Variants in LINGO2 observed in about 807,000 individuals in gnomAD.
LINGO2 encodes leucine rich repeat and Ig domain containing 2.
In LINGO2, 14 loss-of-function variants were observed where a neutral mutation model predicts 30.6. The observed-to-expected ratio is 0.46, with a 90% CI of 0.30 to 0.72. The LOEUF (loss-of-function observed/expected upper bound fraction) is 0.72. Among genes scored for constraint, LINGO2 ranks in the 30% least tolerant of loss-of-function variants. The pLI, the probability that LINGO2 is intolerant of heterozygous loss-of-function variation, is 0.07. For synonymous variants in LINGO2, 317 were observed against 288.5 expected (o/e 1.10, Z -1.00); for missense variants, 729 against 751.7 (o/e 0.97, Z 0.35).
chr9:28,136,703 C>T (rs1337009437), intron 4 of LINGO2, among the ~76,000 whole-genome samples: 1 of 152,100 alleles, frequency 6.6e-6, no homozygotes. Context: ...TAGAATATAC[C>T]ATATCCCATA....
At chr9:28,035,832 T>A (rs1340264714) in intron 4 of LINGO2, among the ~76,000 whole-genome samples, 1 of 151,942 alleles carries the variant, frequency 6.6e-6, no homozygotes, top group Non-Finnish European at 1.5e-5. Flanking sequence ...CTTTTGTAAA[T>A]CCTCTAGCTA....
the LINGO2 span, among the ~76,000 whole-genome samples, chr9:28,797,765 A>C: frequency 6.6e-6 from 1 of 152,132 alleles, no homozygotes; most frequent in Non-Finnish European, 1.5e-5. Flanking sequence ...GGAGTTAAAA[A>C]GTTGATGATA....
intron 1 of LINGO2, among the ~76,000 whole-genome samples, chr9:28,522,730 GA>G (rs1296116830): frequency 6.6e-6 from 1 of 152,036 alleles, no homozygotes; most frequent in Non-Finnish European, 1.5e-5. Flanking sequence ...ATTCTTACAA[GA>G]AAATTATTTC....
At chr9:28,845,813 TTTA>T in the LINGO2 span, among the ~76,000 whole-genome samples, 1 of 151,722 alleles carries the variant, frequency 6.6e-6, no homozygotes, top group Non-Finnish European at 1.5e-5. Flanking sequence ...TAGATAAGGA[TTTA>T]TTAATACTGA....
chr9:28,148,584 C>A lies in LINGO2; in HGVS notation c.-86-136179G>T. ...GAGACTCAGGGAAACTTCACTTCCT[C>A]CTGGTACAATCCCAGGCCCTTGGAG... On this transcript the variant is annotated intron_variant, in intron 4 of 5. Coordinates refer to ENST00000379992, the Ensembl canonical transcript of LINGO2. This position sits in a 1 kb window ranked among gnomAD's most constrained non-coding sequence, Gnocchi z 5.1. 6.6e-7 allele frequency: 1 copy of A among 1,507,818 alleles called. No homozygotes were observed. The highest frequency in any genetic ancestry group is 2.0e-5 in the Admixed American group (1 of 50,974). The allele number at this position is 1,507,818 out of a possible 1,614,324, so 93.4% of individuals were successfully genotyped here.
At chr9:28,786,260 T>G in the LINGO2 span, among the ~76,000 whole-genome samples, 29,435 of 151,912 alleles carry the variant, frequency 0.19, 3,884 homozygotes, top group African/African-American at 0.37. Context: ...TCTCCTACCA[T>G]GACACCTCCT....
the LINGO2 span, among the ~76,000 whole-genome samples, chr9:29,036,994 C>T: frequency 6.6e-6 from 1 of 151,772 alleles, no homozygotes; most frequent in South Asian, 2.1e-4. Context: ...ATGAAAATGG[C>T]TATTTTTGAA....
chr9:29,013,293 G>A, the LINGO2 span, among the ~76,000 whole-genome samples: 14 of 152,096 alleles, frequency 9.2e-5, no homozygotes, highest in Non-Finnish European at 5.9e-5. Flanking sequence ...GCACCCCAGT[G>A]AGTTCTGAAA....
chr9:28,686,943 C>A, the LINGO2 span, among the ~76,000 whole-genome samples: 22 of 152,108 alleles, frequency 1.4e-4, no homozygotes, highest in African/African-American at 4.8e-4. Flanking sequence ...ATTTCAAATT[C>A]TGTGTCACAC....
the LINGO2 span, among the ~76,000 whole-genome samples, chr9:28,905,223 T>C: frequency 1.3e-5 from 2 of 150,746 alleles, no homozygotes; most frequent in Admixed American, 6.6e-5. Context: ...GGAAATAATA[T>C]TTTGGATACA....
intron 4 of LINGO2, among the ~76,000 whole-genome samples, chr9:28,137,198 GAC>G (rs3064725): frequency 0.22 from 32,495 of 148,102 alleles, 3,540 homozygotes; most frequent in South Asian, 0.27. Flanking sequence ...GAAAATCCCT[GAC>G]ACACACACAC....
chr9:27,981,634 G>A (rs1022939403), intron 5 of LINGO2, among the ~76,000 whole-genome samples: 4 of 149,344 alleles, frequency 2.7e-5, no homozygotes, highest in Non-Finnish European at 5.9e-5. Context: ...CCACCCAGGA[G>A]GACCTAAGGA....
intron 1 of LINGO2, among the ~76,000 whole-genome samples, chr9:28,488,396 A>T (rs771958312): frequency 3.3e-5 from 5 of 152,168 alleles, no homozygotes; most frequent in Non-Finnish European, 7.4e-5. Flanking sequence ...ATTAAATATT[A>T]TTATAAATAG....
the LINGO2 span, among the ~76,000 whole-genome samples, chr9:29,128,577 A>G: frequency 6.6e-6 from 1 of 152,030 alleles, no homozygotes; most frequent in African/African-American, 2.4e-5. Context: ...TTAGCATGTG[A>G]CACTCTCCTT....
At chr9:28,503,137 A>G (rs1455869658) in intron 1 of LINGO2, among the ~76,000 whole-genome samples, 1 of 152,110 alleles carries the variant, frequency 6.6e-6, no homozygotes, top group African/African-American at 2.4e-5. Context: ...GTTAACCAAT[A>G]TGGAAAGAAA....
At chr9:29,073,507 A>C in the LINGO2 span, among the ~76,000 whole-genome samples, 2 of 152,218 alleles carry the variant, frequency 1.3e-5, no homozygotes, top group African/African-American at 4.8e-5. Flanking sequence ...AATGGTTAAA[A>C]GAATTAAAGA....
At chr9:28,768,080 C>G in the LINGO2 span, among the ~76,000 whole-genome samples, 612 of 152,246 alleles carry the variant, frequency 4.0e-3, 8 homozygotes, top group African/African-American at 0.012. Flanking sequence ...AGTTTGCTAG[C>G]TGTAATAATT....
chr9:29,173,075 A>G, the LINGO2 span, among the ~76,000 whole-genome samples: 1 of 152,060 alleles, frequency 6.6e-6, no homozygotes, highest in East Asian at 1.9e-4. Context: ...TGATTCTACT[A>G]TATTTCCATT....
At chr9:28,851,677 A>G in the LINGO2 span, among the ~76,000 whole-genome samples, 1 of 152,006 alleles carries the variant, frequency 6.6e-6, no homozygotes, top group African/African-American at 2.4e-5. Flanking sequence ...TACAGTAGCC[A>G]TTATTTAATA....
Sources: gnomAD v4.1 joint callset for allele counts (sites outside exome capture counted in the v4.1 genomes callset) on GRCh38, gnomAD v4.1.1 for gene constraint, Gnocchi (gnomAD v3.1) non-coding constraint, MANE v1.5 for transcripts, NCBI Gene and HGNC (gene_info 2026-07-23, HGNC 2026-07-21) for gene names.